VCPIP1: variants seen among roughly 807,000 people sequenced by gnomAD.
VCPIP1 encodes the protein valosin containing protein interacting protein 1, also known as deubiquitinating protein VCPIP1.
VCPIP1 carries 8 observed loss-of-function variants against 85.0 expected under a neutral mutation model. That is an observed-to-expected ratio of 0.09 (90% CI 0.06 to 0.17). The LOEUF (loss-of-function observed/expected upper bound fraction) is 0.17. Ranked by LOEUF, VCPIP1 falls within the 10% of genes least tolerant of loss-of-function variation. VCPIP1 has a pLI of 1.00. For missense variants in VCPIP1, 1,070 were observed against 1,486.3 expected (o/e 0.72, Z 4.61); for synonymous variants, 543 against 544.5 (o/e 1.00, Z 0.04).
rs1171424314 is a variant in VCPIP1, at chr8:66,633,969, TATGA to T, written c.*528_*531del. 1 of 152,272 alleles carries T rather than the reference TATGA, an allele frequency of 6.6e-6. No individual in the cohort carries two copies. Among genetic ancestry groups the T allele is most frequent in the African/African-American group, 2.4e-5 (1 of 41,460 alleles). 9.4% of individuals were successfully genotyped at this position (152,272 alleles called of 1,614,324 possible). A position where few individuals can be genotyped will look rare whatever the true frequency, so the allele number is the denominator to read the frequency against. On this transcript the variant is annotated 3_prime_UTR_variant, in exon 3 of 3. Transcript: ENST00000310421. Reference sequence around the variant, plus strand: ...CAAGATATTTTCGCCAAGAAATCTCTATGAATGTGTTTACGTTCATAGAAACATT... The same window carrying T: ...CAAGATATTTTCGCCAAGAAATCTCTATGTGTTTACGTTCATAGAAACATT...
intron 1 of VCPIP1, among the ~76,000 whole-genome samples, chr8:66,657,223 C>T (rs1478436499): frequency 6.6e-6 from 1 of 151,746 alleles, no homozygotes; most frequent in Admixed American, 6.6e-5. Flanking sequence ...TTTTTAAAGC[C>T]CCAAAAGAAA....
At chr8:66,658,765 C>T (rs558523859) in intron 1 of VCPIP1, among the ~76,000 whole-genome samples, 2 of 152,180 alleles carry the variant, frequency 1.3e-5, no homozygotes, top group South Asian at 4.1e-4. Flanking sequence ...GGATTAAATG[C>T]GTGAGCCACC....
intron 2 of VCPIP1, among the ~76,000 whole-genome samples, chr8:66,646,963 T>C (rs1039355053): frequency 6.6e-6 from 1 of 152,134 alleles, no homozygotes; most frequent in African/African-American, 2.4e-5. Context: ...AGGCAGAGGT[T>C]GCAGTGAGCC....
intron 1 of VCPIP1, among the ~76,000 whole-genome samples, chr8:66,655,250 T>C (rs111467985): frequency 1.3e-5 from 2 of 152,240 alleles, no homozygotes; most frequent in African/African-American, 4.8e-5. Flanking sequence ...CCTCGCACAG[T>C]GCTGAACAGA....
At position 66,633,430 on chromosome 8, in the gene VCPIP1, C is replaced by T. The variant is rs529099440; in HGVS notation, c.*1071G>A. ...TGTTTTTAAGGAATAAGCATGAAAG[C>T]TGCTTCTCAAGGAAACTGGCACTGA... On this transcript the variant is annotated 3_prime_UTR_variant, in exon 3 of 3. Transcript: ENST00000310421. 40 of 152,492 alleles carry T rather than the reference C, an allele frequency of 2.6e-4. 1 individual carries two copies. The highest frequency in any genetic ancestry group is 9.4e-4 in the African/African-American group (39 of 41,512). 9.4% of individuals were successfully genotyped at this position (152,492 alleles called of 1,614,324 possible).
intron 1 of VCPIP1, among the ~76,000 whole-genome samples, chr8:66,655,516 C>T (rs1371055866): frequency 2.0e-5 from 3 of 152,098 alleles, no homozygotes; most frequent in Admixed American, 2.0e-4. Flanking sequence ...ATATTATAAA[C>T]GAGGTTTTTC....
chr8:66,640,741 G>A (rs574917472), intron 2 of VCPIP1, among the ~76,000 whole-genome samples: 14 of 152,156 alleles, frequency 9.2e-5, no homozygotes, highest in South Asian at 2.1e-4. Context: ...GAGTTTGGCC[G>A]GGGACAGCTG....
At chr8:66,651,999 C>T (rs1811058165) in intron 1 of VCPIP1, among the ~76,000 whole-genome samples, 1 of 145,550 alleles carries the variant, frequency 6.9e-6, no homozygotes, top group African/African-American at 2.6e-5. Flanking sequence ...CATGGCGAAA[C>T]TCTATCTCTA....
chr8:66,636,426 T>G (rs966904255), intron 2 of VCPIP1, among the ~76,000 whole-genome samples: 1 of 151,850 alleles, frequency 6.6e-6, no homozygotes, highest in Admixed American at 6.6e-5. Flanking sequence ...TATCTACCTG[T>G]TGGAAGTATA....
At chr8:66,655,041 A>AAACTCATTTAAAAC (rs1563570280) in intron 1 of VCPIP1, among the ~76,000 whole-genome samples, 9 of 152,340 alleles carry the variant, frequency 5.9e-5, no homozygotes, top group Admixed American at 1.3e-4. Context: ...CAATCTAGGT[A>AAACTCATTTAAAAC]TCACTTCCTT....
chr8:66,651,078 GAGAAGCT>G (rs1377822961), intron 2 of VCPIP1, among the ~76,000 whole-genome samples: 1 of 149,484 alleles, frequency 6.7e-6, no homozygotes, highest in African/African-American at 2.5e-5. Context: ...CTAGCTACTC[GAGAAGCT>G]GAGGCAGGAG....
At position 66,632,997 on chromosome 8, in the gene VCPIP1, TTAAAA is replaced by T. The variant is rs1163276757; in HGVS notation, c.*1499_*1503del. 2 of 152,088 alleles carry T rather than the reference TTAAAA, an allele frequency of 1.3e-5. No homozygotes were observed. Among genetic ancestry groups the T allele is most frequent in the Non-Finnish European group, 2.9e-5 (2 of 67,946 alleles). 9.4% of individuals were successfully genotyped at this position (152,088 alleles called of 1,614,324 possible). ...TCTAGATTCTCCATTCTTTCCTTAT[TTAAAA>T]TAGAGTAGTTTGTTTAAGAAGTGGA... is the stretch of plus-strand genomic sequence containing the variant. On this transcript the variant is annotated 3_prime_UTR_variant, in exon 3 of 3. Coordinates refer to ENST00000310421, the MANE Select transcript of VCPIP1 (RefSeq NM_025054.5).
intron 2 of VCPIP1, among the ~76,000 whole-genome samples, chr8:66,636,797 G>A (rs1214474757): frequency 6.6e-6 from 1 of 151,834 alleles, no homozygotes; most frequent in East Asian, 1.9e-4. Context: ...GGAGGCTGCA[G>A]TGAGCCCAGA....
intron 1 of VCPIP1, among the ~76,000 whole-genome samples, chr8:66,657,432 T>A (rs953055610): frequency 6.6e-6 from 1 of 152,224 alleles, no homozygotes; most frequent in Non-Finnish European, 1.5e-5. Flanking sequence ...GAAAGAATTG[T>A]TGGCATCTCT....
In VCPIP1 at chr8:66,667,192, A is replaced by C. The variant is rs1586632479; in HGVS notation, c.-234T>G. The C allele has an allele frequency of 1.4e-6, 1 of 726,370 alleles. No individual in the cohort carries two copies. Among genetic ancestry groups the C allele is most frequent in the Non-Finnish European group, 2.1e-6 (1 of 481,404 alleles). 45.0% of individuals were successfully genotyped at this position (726,370 alleles called of 1,614,324 possible). On this transcript the variant is annotated 5_prime_UTR_variant, in exon 1 of 3. Coordinates refer to ENST00000310421, the MANE Select transcript of VCPIP1 (RefSeq NM_025054.5). ...CGTAACGGCCACCACCCCACCCCGC[A>C]CTCACACTCACTCACTCTCGCTCTC...
In VCPIP1 at chr8:66,631,265, C is replaced by T. The variant is rs2130137798; in HGVS notation, c.*3236G>A. 6.6e-6 allele frequency: 1 copy of T among 152,362 alleles called. No individual in the cohort carries two copies. The highest frequency in any genetic ancestry group is 1.9e-4 in the East Asian group (1 of 5,184). 9.4% of individuals were successfully genotyped at this position (152,362 alleles called of 1,614,324 possible). A position where few individuals can be genotyped will look rare whatever the true frequency, so the allele number is the denominator to read the frequency against. ...ATTCTGAAATAAACACTTTATGCTGCCACTATATTGACCAGTTGAAGTGTA... is the reference window on the plus strand; with the variant it reads ...ATTCTGAAATAAACACTTTATGCTGTCACTATATTGACCAGTTGAAGTGTA... On this transcript the variant is annotated 3_prime_UTR_variant, in exon 3 of 3. Transcript: ENST00000310421.
Position 66,631,038 on chromosome 8 carries a change from C to T in VCPIP1, c.*3463G>A, listed in dbSNP as rs992864643. 1.3e-5 allele frequency: 2 copies of T among 151,832 alleles called. No individual in the cohort carries two copies. The highest frequency in any genetic ancestry group is 6.6e-5 in the Admixed American group (1 of 15,238). The allele number at this position is 151,832 out of a possible 1,614,324, so 9.4% of individuals were successfully genotyped here. ...TGCATTTACTCAACTTAGAATATGG[C>T]GCTATTATTATTATAAATGGTGGTT... is the stretch of plus-strand genomic sequence containing the variant. On this transcript the variant is annotated 3_prime_UTR_variant, in exon 3 of 3. Transcript: ENST00000310421.
intron 2 of VCPIP1, among the ~76,000 whole-genome samples, chr8:66,638,989 T>G: frequency 6.8e-6 from 1 of 147,918 alleles, no homozygotes; most frequent in African/African-American, 2.5e-5. Context: ...TATATATACA[T>G]ATATTTTGTG....
chr8:66,642,364 T>G (rs1810956237), intron 2 of VCPIP1, among the ~76,000 whole-genome samples: 1 of 152,232 alleles, frequency 6.6e-6, no homozygotes, highest in Non-Finnish European at 1.5e-5. Flanking sequence ...TTGCAAAAAT[T>G]TTCTCCCATT....
Sources: gnomAD v4.1 joint callset for allele counts (sites outside exome capture counted in the v4.1 genomes callset) on GRCh38, gnomAD v4.1.1 for gene constraint, MANE v1.5 for transcripts, NCBI Gene and HGNC (gene_info 2026-07-23, HGNC 2026-07-21) for gene names.